Variants in MGAT4C observed in about 807,000 individuals in gnomAD.
MGAT4C encodes the protein alpha-1,3-mannosyl-glycoprotein 4-beta-N-acetylglucosaminyltransferase C.
In MGAT4C, 19 loss-of-function variants were observed where a neutral mutation model predicts 40.1. That is an observed-to-expected ratio of 0.47 (90% CI 0.33 to 0.70). The LOEUF is 0.70. Ranked by LOEUF, MGAT4C falls within the 30% of genes least tolerant of loss-of-function variation. MGAT4C has a pLI of 0.02. For synonymous variants in MGAT4C, 181 were observed against 187.1 expected, an observed-to-expected ratio of 0.97 and a Z score of 0.27; for missense variants, 491 against 563.2, an observed-to-expected ratio of 0.87 and a Z score of 1.30.
chr12:86,489,857 A>T (rs1466540799), intron 2 of MGAT4C, among the ~76,000 whole-genome samples: 2 of 152,212 alleles, frequency 1.3e-5, no homozygotes, highest in Non-Finnish European at 2.9e-5. Context: ...ATGAAGCGAG[A>T]AGGGAAGTTT....
intron 2 of MGAT4C, among the ~76,000 whole-genome samples, chr12:86,636,346 G>T (rs576391925): frequency 5.6e-4 from 85 of 152,098 alleles, no homozygotes; most frequent in African/African-American, 1.9e-3. Context: ...TATATCCCCA[G>T]TAAGTTCCCT....
intron 2 of MGAT4C, among the ~76,000 whole-genome samples, chr12:86,559,988 C>A (rs1592986191): frequency 1.3e-5 from 2 of 151,770 alleles, no homozygotes; most frequent in South Asian, 4.2e-4. Context: ...TCACAGATAT[C>A]CCAAGGGTCA....
At chr12:86,071,577 C>T (rs1336583049) in intron 1 of MGAT4C, among the ~76,000 whole-genome samples, 3 of 152,060 alleles carry the variant, frequency 2.0e-5, no homozygotes, top group African/African-American at 7.2e-5. Flanking sequence ...TCCAGGAGCA[C>T]ATTCTATTCA....
intron 3 of MGAT4C, among the ~76,000 whole-genome samples, chr12:86,391,363 G>C (rs1272993938): frequency 6.6e-6 from 1 of 152,156 alleles, no homozygotes; most frequent in African/African-American, 2.4e-5. Flanking sequence ...TGTTTTAACA[G>C]TATGGGGTTA....
At chr12:86,585,733 TAA>T (rs1161699183) in intron 2 of MGAT4C, among the ~76,000 whole-genome samples, 137 of 147,502 alleles carry the variant, frequency 9.3e-4, no homozygotes, top group East Asian at 2.0e-3. Context: ...TTATTTTTTT[TAA>T]TTTTTTTTTT....
intron 3 of MGAT4C, among the ~76,000 whole-genome samples, chr12:86,344,146 G>C (rs1954964144): frequency 6.6e-6 from 1 of 152,212 alleles, no homozygotes; most frequent in East Asian, 1.9e-4. Flanking sequence ...ATTCCCAAGG[G>C]AATTTCTTCA....
chr12:86,691,334 A>C (rs2136597728), intron 2 of MGAT4C, among the ~76,000 whole-genome samples: 1 of 152,320 alleles, frequency 6.6e-6, no homozygotes, highest in African/African-American at 2.4e-5. Context: ...TCAGAGTATA[A>C]AAGTTCTTTT....
intron 2 of MGAT4C, chr12:86,011,896 C>T: frequency 1.0e-6 from 1 of 982,014 alleles, no homozygotes; most frequent in Non-Finnish European, 1.2e-6. Flanking sequence ...ATGTCACATG[C>T]TACTGCCTGA....
rs144436600 is a variant in MGAT4C, at chr12:86,766,781, C to T, written c.-261-39540G>A. On this transcript the variant is annotated intron_variant, in intron 1 of 7. Coordinates refer to the MGAT4C transcript ENST00000548651. The stretch of plus-strand genomic sequence containing the variant: ...TCCTGAATGACTACTGGGTACATAA[C>T]AAAATGAAGGCAGAAATAAAGATGT... Among the ~76,000 whole-genome samples the T allele has an allele frequency of 0.017, 2,631 of 151,908 alleles. 134 individuals are homozygous for T. In the East Asian group the frequency reaches 0.18, roughly 10 times the overall value.
At chr12:86,479,450 G>A (rs1192180766) in intron 2 of MGAT4C, among the ~76,000 whole-genome samples, 1 of 151,832 alleles carries the variant, frequency 6.6e-6, no homozygotes, top group Admixed American at 6.6e-5. Context: ...GTGTGTGTGT[G>A]AATAACTGTG....
At chr12:86,696,582 A>G (rs570697822) in intron 2 of MGAT4C, among the ~76,000 whole-genome samples, 2 of 152,212 alleles carry the variant, frequency 1.3e-5, no homozygotes, top group African/African-American at 2.4e-5. Context: ...TGCAAATGCC[A>G]GTGCCATTTT....
At chr12:86,210,890 C>A (rs1182611958) in intron 1 of MGAT4C, among the ~76,000 whole-genome samples, 3 of 151,984 alleles carry the variant, frequency 2.0e-5, no homozygotes, top group Non-Finnish European at 4.4e-5. Context: ...CTTTGCTAGG[C>A]ACTGGGGATA....
chr12:86,614,883 T>C (rs2136480166), intron 2 of MGAT4C, among the ~76,000 whole-genome samples: 1 of 152,084 alleles, frequency 6.6e-6, no homozygotes, highest in South Asian at 2.1e-4. Flanking sequence ...TCCCCTAAGT[T>C]GTATAAGAGT....
intron 2 of MGAT4C, among the ~76,000 whole-genome samples, chr12:85,994,044 C>A (rs1886305728): frequency 2.0e-5 from 3 of 152,186 alleles, no homozygotes; most frequent in Non-Finnish European, 4.4e-5. Context: ...GAGGCTCCTG[C>A]CTGAGCAGTG....
At chr12:86,774,351 C>CTTT (rs1565981755) in intron 1 of MGAT4C, among the ~76,000 whole-genome samples, 27 of 31,776 alleles carry the variant, frequency 8.5e-4, no homozygotes, top group Non-Finnish European at 1.4e-3. Flanking sequence ...GTCTCTCTCT[C>CTTT]TCCCCTCTCT....
At chr12:86,479,204 C>G (rs1166409222) in intron 2 of MGAT4C, among the ~76,000 whole-genome samples, 3 of 151,918 alleles carry the variant, frequency 2.0e-5, no homozygotes, top group Non-Finnish European at 4.4e-5. Context: ...TGTATGAAAA[C>G]AGACAAAGAT....
intron 3 of MGAT4C, among the ~76,000 whole-genome samples, chr12:86,428,806 G>A (rs1956978987): frequency 6.6e-6 from 1 of 151,984 alleles, no homozygotes; most frequent in South Asian, 2.1e-4. Context: ...TGTGGTATCT[G>A]TTGTAATGTC....
chr12:86,203,484 T>A (rs1950126353), intron 1 of MGAT4C, among the ~76,000 whole-genome samples: 1 of 151,956 alleles, frequency 6.6e-6, no homozygotes, highest in Admixed American at 6.5e-5. Context: ...AATTTTGGAA[T>A]CCTTCTTTTG....
intron 2 of MGAT4C, among the ~76,000 whole-genome samples, chr12:86,569,939 TAAAC>T (rs1312710571): frequency 6.6e-5 from 10 of 152,000 alleles, no homozygotes; most frequent in Non-Finnish European, 1.5e-4. Flanking sequence ...TTAAGTAAAA[TAAAC>T]AAAGCATAAA....
Sources: gnomAD v4.1 joint callset for allele counts (sites outside exome capture counted in the v4.1 genomes callset) on GRCh38, gnomAD v4.1.1 for gene constraint, MANE v1.5 for transcripts, NCBI Gene and HGNC (gene_info 2026-07-23, HGNC 2026-07-21) for gene names.